The following KAZN variants were observed in gnomAD, a reference collection of about 807,000 sequenced individuals.
KAZN encodes the protein kazrin, periplakin interacting protein, also known as kazrin.
In KAZN, 40 loss-of-function variants were observed where a neutral mutation model predicts 87.4. The ratio of observed to expected loss-of-function variants is 0.46; its 90% CI spans 0.36 to 0.60. The LOEUF is 0.60. KAZN is among the 20% of genes least tolerant of loss of function. KAZN has a pLI of 0.00. For missense variants in KAZN, 898 were observed against 1,073.9 expected (o/e 0.84, Z 2.29); for synonymous variants, 466 against 458.3 (o/e 1.02, Z -0.22).
At chr1:14,519,901 A>G (rs1429248184) in intron 2 of KAZN, among the ~76,000 whole-genome samples, 4 of 152,114 alleles carry the variant, frequency 2.6e-5, no homozygotes, top group Non-Finnish European at 4.4e-5. Context: ...AAGTCAGAAC[A>G]TAGAGTGTCC....
chr1:14,933,026 T>C (rs1350197583), intron 1 of KAZN, among the ~76,000 whole-genome samples: 1 of 152,158 alleles, frequency 6.6e-6, no homozygotes, highest in East Asian at 1.9e-4. Context: ...TCTGTCTGTA[T>C]GTGTTGGCCT....
At chr1:14,460,713 C>G (rs1667811022) in intron 2 of KAZN, among the ~76,000 whole-genome samples, 1 of 152,168 alleles carries the variant, frequency 6.6e-6, no homozygotes, top group Non-Finnish European at 1.5e-5. Flanking sequence ...GAGTCCCTTC[C>G]TCATCAGGGT....
At chr1:14,557,550 AAGTT>A (rs1047182396) in intron 2 of KAZN, among the ~76,000 whole-genome samples, 2 of 152,030 alleles carry the variant, frequency 1.3e-5, no homozygotes, top group Admixed American at 6.6e-5. Context: ...AAAAATATAA[AAGTT>A]AGTCGTCAGC....
intron 2 of KAZN, among the ~76,000 whole-genome samples, chr1:14,510,661 A>G (rs1355052369): frequency 1.3e-5 from 2 of 152,180 alleles, no homozygotes; most frequent in Non-Finnish European, 2.9e-5. Flanking sequence ...CATTTTTTAA[A>G]GATTATCCTG....
intron 2 of KAZN, among the ~76,000 whole-genome samples, chr1:14,272,372 C>T (rs1226953244): frequency 1.3e-5 from 2 of 152,136 alleles, no homozygotes; most frequent in Non-Finnish European, 2.9e-5. Context: ...CTGTGTTTGG[C>T]GTTTTCTCTT....
At chr1:14,568,933 A>G (rs1674696952) in intron 2 of KAZN, among the ~76,000 whole-genome samples, 1 of 152,220 alleles carries the variant, frequency 6.6e-6, no homozygotes, top group African/African-American at 2.4e-5. Context: ...CATTTCCATT[A>G]GCCCTGGGGA....
At chr1:14,273,025 G>A (rs1467202892) in intron 2 of KAZN, among the ~76,000 whole-genome samples, 5 of 152,096 alleles carry the variant, frequency 3.3e-5, no homozygotes, top group Non-Finnish European at 7.3e-5. Flanking sequence ...CTTAGAGAGA[G>A]GAAACGACTT....
At chr1:14,018,287 T>C (rs79950447) in intron 1 of KAZN, among the ~76,000 whole-genome samples, 3,369 of 152,252 alleles carry the variant, frequency 0.022, 117 homozygotes, top group African/African-American at 0.076. Context: ...CCCAATCCAC[T>C]GTGGGTAAAT....
intron 2 of KAZN, among the ~76,000 whole-genome samples, chr1:14,979,871 CTATT>C (rs1484680035): frequency 1.3e-5 from 2 of 152,154 alleles, no homozygotes; most frequent in East Asian, 1.9e-4. Context: ...CGGTAAGTAC[CTATT>C]TATTTTTTAT....
At chr1:14,955,534 TC>T (rs1662985317) in intron 1 of KAZN, among the ~76,000 whole-genome samples, 1 of 152,210 alleles carries the variant, frequency 6.6e-6, no homozygotes, top group South Asian at 2.1e-4. Context: ...CCTCTCTCTT[TC>T]CATGGAGTTG....
chr1:14,974,288 T>C (rs1665385603), intron 2 of KAZN, among the ~76,000 whole-genome samples: 1 of 152,122 alleles, frequency 6.6e-6, no homozygotes, highest in Non-Finnish European at 1.5e-5. Context: ...ATAAAAGGCA[T>C]GTGGCATGGG....
chr1:14,654,287 C>CAAAAA (rs140822403), intron 1 of KAZN, among the ~76,000 whole-genome samples: 4 of 80,326 alleles, frequency 5.0e-5, no homozygotes, highest in African/African-American at 1.8e-4. Context: ...GGCTTCGTCT[C>CAAAAA]AAAAAAAAAA....
chr1:14,757,272 C>T (rs1181960611), intron 1 of KAZN, among the ~76,000 whole-genome samples: 1 of 152,184 alleles, frequency 6.6e-6, no homozygotes, highest in East Asian at 1.9e-4. Flanking sequence ...ATCAGCTCAG[C>T]CCATAGTTCT....
At chr1:14,611,137 T>C (rs995062863) in intron 1 of KAZN, among the ~76,000 whole-genome samples, 9 of 152,168 alleles carry the variant, frequency 5.9e-5, no homozygotes, top group South Asian at 2.1e-4. Flanking sequence ...CTTAGAGGAA[T>C]GGAAGGGGAG....
chr1:14,599,339 C>T lies in KAZN; in HGVS notation c.226+116C>T. ...GGGGCGAAATCGCTTTGCATTCTGG[C>T]TTGTAACCCTTTCCGCCCGGCGGTG... On this transcript the variant is annotated intron_variant, in intron 1 of 14. Transcript: ENST00000376030. This position sits in a 1 kb window ranked among gnomAD's most constrained non-coding sequence, Gnocchi z 4.4. The T allele has an allele frequency of 9.2e-7, 1 of 1,089,108 alleles. No homozygotes were observed. Among genetic ancestry groups the T allele is most frequent in the Non-Finnish European group, 1.2e-6 (1 of 858,718 alleles). The allele number at this position is 1,089,108 out of a possible 1,614,324, so 67.5% of individuals were successfully genotyped here.
At chr1:14,797,671 C>T (rs922831637) in intron 1 of KAZN, among the ~76,000 whole-genome samples, 4 of 152,144 alleles carry the variant, frequency 2.6e-5, no homozygotes, top group Admixed American at 2.6e-4. Context: ...AGCTTCAAGA[C>T]AGAGTGTCGG....
intron 2 of KAZN, among the ~76,000 whole-genome samples, chr1:14,484,909 T>C (rs891807924): frequency 2.6e-5 from 4 of 152,222 alleles, no homozygotes; most frequent in African/African-American, 7.2e-5. Context: ...GTTTGTCTCA[T>C]GTCTGCTCTC....
chr1:13,977,882 C>A (rs958662704), intron 1 of KAZN, among the ~76,000 whole-genome samples: 2 of 152,318 alleles, frequency 1.3e-5, no homozygotes, highest in Admixed American at 1.3e-4. Context: ...AATCCCAGCA[C>A]TTTGGGAGGC....
At chr1:13,984,654 T>C (rs1307970257) in intron 1 of KAZN, among the ~76,000 whole-genome samples, 1 of 152,234 alleles carries the variant, frequency 6.6e-6, no homozygotes, top group Non-Finnish European at 1.5e-5. Context: ...TGTGATTTTA[T>C]GTATGTTACT....
Sources: allele counts gnomAD v4.1 joint callset (sites outside exome capture counted in the v4.1 genomes callset), GRCh38; gene constraint gnomAD v4.1.1; non-coding constraint Gnocchi (gnomAD v3.1); transcripts MANE v1.5; gene names NCBI Gene and HGNC (gene_info 2026-07-23, HGNC 2026-07-21).